Variants in RPSA2 observed in about 807,000 individuals in gnomAD.
RPSA2 encodes small ribosomal subunit protein uS2B.
At chr19:23,783,024 C>T in the RPSA2 span, among the ~76,000 whole-genome samples, 2 of 151,992 alleles carry the variant, frequency 1.3e-5, no homozygotes, top group African/African-American at 2.4e-5. Context: ...CATTTAGGTG[C>T]GTCCATCACC....
chr19:23,866,815 C>A, the RPSA2 span, among the ~76,000 whole-genome samples: 40 of 152,284 alleles, frequency 2.6e-4, no homozygotes, highest in Admixed American at 5.2e-4. Context: ...AGAAGACAAA[C>A]CTTCCAAAGT....
the RPSA2 span, among the ~76,000 whole-genome samples, chr19:23,783,999 A>G: frequency 2.0e-5 from 3 of 152,176 alleles, no homozygotes; most frequent in Non-Finnish European, 4.4e-5. Flanking sequence ...AGATTGTGAC[A>G]TAACCCTGGC....
At chr19:23,771,695 T>C in the RPSA2 span, among the ~76,000 whole-genome samples, 9 of 152,126 alleles carry the variant, frequency 5.9e-5, no homozygotes, top group Admixed American at 2.6e-4. Flanking sequence ...AATGTCCAGG[T>C]GATGTGACTT....
At chr19:23,818,136 G>A in the RPSA2 span, 1 of 152,096 alleles carries the variant, frequency 6.6e-6, no homozygotes, top group South Asian at 2.1e-4. Context: ...TTCATGAAAA[G>A]GCAAGTTTTC....
the RPSA2 span, among the ~76,000 whole-genome samples, chr19:23,777,373 T>C: frequency 1.3e-5 from 2 of 152,186 alleles, no homozygotes; most frequent in African/African-American, 4.8e-5. Context: ...TATGATGATG[T>C]ATCTTTTCAT....
At chr19:23,832,547 C>T in the RPSA2 span, 2 of 818,492 alleles carry the variant, frequency 2.4e-6, no homozygotes, top group Non-Finnish European at 3.6e-6. Context: ...TGAAAAGAAA[C>T]CCTACAAATG....
chr19:23,794,721 T>G, the RPSA2 span, among the ~76,000 whole-genome samples: 1 of 152,220 alleles, frequency 6.6e-6, no homozygotes, highest in South Asian at 2.1e-4. Context: ...TTGCTTTTGT[T>G]GCAATGGCTT....
At chr19:23,781,567 G>C in the RPSA2 span, among the ~76,000 whole-genome samples, 5 of 151,680 alleles carry the variant, frequency 3.3e-5, no homozygotes, top group Admixed American at 6.6e-5. Flanking sequence ...TCGAACTCCT[G>C]ACCTCAAGTG....
At chr19:23,827,332 G>C in the RPSA2 span, 1 of 1,586,358 alleles carries the variant, frequency 6.3e-7, no homozygotes, top group Non-Finnish European at 8.6e-7. Context: ...CCTGGGAGAA[G>C]CTTCTGCTGG....
chr19:23,838,012 T>A, the RPSA2 span, among the ~76,000 whole-genome samples: 4 of 152,294 alleles, frequency 2.6e-5, no homozygotes, highest in South Asian at 6.2e-4. Flanking sequence ...GGCACCCTTG[T>A]CTTGTTCCCA....
chr19:23,830,626 C>T, the RPSA2 span, among the ~76,000 whole-genome samples: 3 of 151,744 alleles, frequency 2.0e-5, no homozygotes, highest in Non-Finnish European at 4.4e-5. Context: ...TTTACCTCCA[C>T]AATTTTTGTT....
chr19:23,854,970 C>G, the RPSA2 span, among the ~76,000 whole-genome samples: 9 of 152,320 alleles, frequency 5.9e-5, no homozygotes, highest in African/African-American at 1.4e-4. Context: ...ATACCTTGAG[C>G]GTGCTCATCA....
the RPSA2 span, among the ~76,000 whole-genome samples, chr19:23,855,676 C>T: frequency 6.6e-6 from 1 of 151,952 alleles, no homozygotes. Context: ...GAGAAAGGGG[C>T]ATGGGGGAGC....
chr19:23,831,941 A>G, the RPSA2 span: 1 of 312,880 alleles, frequency 3.2e-6, no homozygotes. Flanking sequence ...ACCCAACATA[A>G]AAGCATTTAT....
At chr19:23,784,754 CTG>C in the RPSA2 span, among the ~76,000 whole-genome samples, 1 of 152,192 alleles carries the variant, frequency 6.6e-6, no homozygotes, top group Non-Finnish European at 1.5e-5. Context: ...AATATGGAGT[CTG>C]TTGATAGTTG....
the RPSA2 span, among the ~76,000 whole-genome samples, chr19:23,778,305 C>CA: frequency 2.6e-5 from 4 of 152,160 alleles, no homozygotes; most frequent in Non-Finnish European, 5.9e-5. Context: ...CTCTGCCTCC[C>CA]AGGTTCAAGC....
the RPSA2 span, among the ~76,000 whole-genome samples, chr19:23,858,538 G>A: frequency 4.6e-5 from 7 of 152,324 alleles, no homozygotes; most frequent in Middle Eastern, 3.4e-3. Flanking sequence ...GTGAGTGCAA[G>A]GAAGTCCTTG....
the RPSA2 span, chr19:23,827,130 T>C: frequency 2.5e-5 from 19 of 767,334 alleles, no homozygotes; most frequent in Non-Finnish European, 3.8e-5. Context: ...TTGTTCTGGA[T>C]TCCCGTCGTA....
At chr19:23,785,711 C>T in the RPSA2 span, among the ~76,000 whole-genome samples, 1 of 152,128 alleles carries the variant, frequency 6.6e-6, no homozygotes, top group South Asian at 2.1e-4. Context: ...TGTTACTCTC[C>T]TCCTTTCTGC....
Sources: allele counts gnomAD v4.1 joint callset (sites outside exome capture counted in the v4.1 genomes callset), GRCh38; gene constraint gnomAD v4.1.1; transcripts MANE v1.5; gene names NCBI Gene and HGNC (gene_info 2026-07-23, HGNC 2026-07-21).